The following RBFOX1 variants were observed in gnomAD, a reference collection of about 807,000 sequenced individuals.
RBFOX1 encodes RNA binding protein fox-1 homolog 1.
A neutral mutation model predicts 57.7 loss-of-function variants in RBFOX1; 8 were observed. The observed-to-expected ratio is 0.14, with a 90% CI of 0.08 to 0.25. The LOEUF is 0.25. RBFOX1 is among the 10% of genes least tolerant of loss of function. The pLI is 1.00. For synonymous variants in RBFOX1, 326 were observed against 222.4 expected, an observed-to-expected ratio of 1.47 and a Z score of -4.15; for missense variants, 611 against 548.5, an observed-to-expected ratio of 1.11 and a Z score of -1.14.
chr16:7,125,212 G>T (rs1479905126), intron 4 of RBFOX1, among the ~76,000 whole-genome samples: 2 of 152,216 alleles, frequency 1.3e-5, no homozygotes, highest in South Asian at 2.1e-4. Context: ...CTTGAGTTCA[G>T]ATCCCAGATC....
At chr16:6,304,257 C>T (rs1425095787) in intron 1 of RBFOX1, among the ~76,000 whole-genome samples, 2 of 151,810 alleles carry the variant, frequency 1.3e-5, no homozygotes, top group African/African-American at 2.4e-5. Flanking sequence ...CATTGCACTT[C>T]AGCCTGGGAA....
chr16:6,774,464 C>G (rs1015080682), intron 3 of RBFOX1, among the ~76,000 whole-genome samples: 9 of 151,726 alleles, frequency 5.9e-5, no homozygotes, highest in Non-Finnish European at 1.2e-4. Context: ...ATCAACAACC[C>G]AATTACCTTT....
At chr16:5,720,653 T>C (rs2051897154) in intron 3 of RBFOX1, among the ~76,000 whole-genome samples, 1 of 152,208 alleles carries the variant, frequency 6.6e-6, no homozygotes, top group Non-Finnish European at 1.5e-5. Flanking sequence ...TGTGTGCAGT[T>C]ATCCAGTTCT....
At chr16:6,724,073 G>A (rs925207999) in intron 3 of RBFOX1, among the ~76,000 whole-genome samples, 13 of 152,064 alleles carry the variant, frequency 8.5e-5, no homozygotes, top group East Asian at 1.9e-4. Context: ...TTTATACCCC[G>A]GGTGATAGTA....
At chr16:6,553,914 C>G (rs529214647) in intron 2 of RBFOX1, among the ~76,000 whole-genome samples, 1 of 152,072 alleles carries the variant, frequency 6.6e-6, no homozygotes, top group Non-Finnish European at 1.5e-5. Flanking sequence ...CAACTTTGTA[C>G]CTAAATCATT....
chr16:7,086,620 C>T (rs1011493829), intron 4 of RBFOX1, among the ~76,000 whole-genome samples: 3 of 151,920 alleles, frequency 2.0e-5, no homozygotes, highest in Admixed American at 6.6e-5. Flanking sequence ...GCTTCCAAGC[C>T]GATGGATTTT....
At chr16:6,242,991 A>G (rs968723284) in intron 1 of RBFOX1, among the ~76,000 whole-genome samples, 4 of 152,204 alleles carry the variant, frequency 2.6e-5, no homozygotes, top group African/African-American at 9.6e-5. Flanking sequence ...AGAAAAAGCC[A>G]GGTACATTAC....
At chr16:7,158,309 G>A (rs545396307) in intron 4 of RBFOX1, among the ~76,000 whole-genome samples, 25 of 152,212 alleles carry the variant, frequency 1.6e-4, no homozygotes, top group African/African-American at 5.3e-4. Context: ...TCACATCACT[G>A]CACTCTACCC....
chr16:6,137,119 G>C (rs2096672682), intron 1 of RBFOX1, among the ~76,000 whole-genome samples: 1 of 152,030 alleles, frequency 6.6e-6, no homozygotes, highest in African/African-American at 2.4e-5. Flanking sequence ...ACATCAATAG[G>C]TGATTATTTT....
Position 5,891,764 on chromosome 16 carries a change from C to G in RBFOX1, c.351+24429C>G, listed in dbSNP as rs568522759. On this transcript the variant is annotated intron_variant, in intron 4 of 19. Coordinates refer to the RBFOX1 transcript ENST00000641259. ...GGCCCAGAAAGTTCCTGGGGCAGAG[C>G]TGGGGTAGAGCACAGGGCTCGGACA... is the stretch of plus-strand genomic sequence containing the variant. Among the ~76,000 whole-genome samples, 196 of 152,264 alleles carry G rather than the reference C, an allele frequency of 1.3e-3. 1 individual carries two copies. Among genetic ancestry groups the G allele is most frequent in the Non-Finnish European group, 2.1e-3 (145 of 68,026 alleles).
At chr16:5,638,536 C>T (rs769341749) in intron 3 of RBFOX1, among the ~76,000 whole-genome samples, 2 of 152,152 alleles carry the variant, frequency 1.3e-5, no homozygotes, top group Non-Finnish European at 2.9e-5. Context: ...CCAACAAACA[C>T]AGTGGCATCT....
chr16:5,932,727 T>G (rs1339138725), intron 4 of RBFOX1, among the ~76,000 whole-genome samples: 1 of 152,204 alleles, frequency 6.6e-6, no homozygotes, highest in Middle Eastern at 3.2e-3. Context: ...CTTGTTTACG[T>G]GCATTTCCCA....
intron 3 of RBFOX1, among the ~76,000 whole-genome samples, chr16:6,844,128 T>TTGTG: frequency 1.8e-5 from 1 of 56,044 alleles, no homozygotes; most frequent in East Asian, 9.9e-4. Context: ...TGCATGGCTT[T>TTGTG]TCTCTCTCTC....
At chr16:6,959,271 T>G (rs530097663) in intron 3 of RBFOX1, among the ~76,000 whole-genome samples, 1 of 152,334 alleles carries the variant, frequency 6.6e-6, no homozygotes, top group Non-Finnish European at 1.5e-5. Flanking sequence ...AGGCCATGTT[T>G]ATGTGGAGGG....
intron 4 of RBFOX1, among the ~76,000 whole-genome samples, chr16:7,074,944 G>T (rs2058034921): frequency 6.6e-6 from 1 of 152,160 alleles, no homozygotes; most frequent in South Asian, 2.1e-4. Context: ...AAATGGTGAG[G>T]TTGGGAAGAG....
intron 4 of RBFOX1, among the ~76,000 whole-genome samples, chr16:7,454,861 C>T (rs1312513169): frequency 6.6e-6 from 1 of 152,224 alleles, no homozygotes; most frequent in African/African-American, 2.4e-5. Flanking sequence ...CGAGTTACAT[C>T]AGGTACCACA....
At chr16:6,677,375 T>C (rs1162619515) in intron 3 of RBFOX1, among the ~76,000 whole-genome samples, 3 of 152,168 alleles carry the variant, frequency 2.0e-5, no homozygotes, top group Admixed American at 6.5e-5. Context: ...AAGATGTAAA[T>C]ATATGTGATA....
chr16:7,238,103 A>G (rs1435084800), intron 4 of RBFOX1, among the ~76,000 whole-genome samples: 1 of 152,240 alleles, frequency 6.6e-6, no homozygotes, highest in Non-Finnish European at 1.5e-5. Context: ...CAAATATTGC[A>G]TGATTCCACT....
chr16:6,609,466 C>G (rs925815038), intron 2 of RBFOX1, among the ~76,000 whole-genome samples: 2 of 152,236 alleles, frequency 1.3e-5, no homozygotes, highest in East Asian at 1.9e-4. Flanking sequence ...ACCTCAGCCT[C>G]CCGAGTAACT....
Sources: allele counts gnomAD v4.1 joint callset (sites outside exome capture counted in the v4.1 genomes callset), GRCh38; gene constraint gnomAD v4.1.1; transcripts MANE v1.5; gene names NCBI Gene and HGNC (gene_info 2026-07-23, HGNC 2026-07-21).